PCDHA8: variants seen among roughly 807,000 people sequenced by gnomAD.
PCDHA8 encodes protocadherin alpha-8.
Under a neutral mutation model 61.8 loss-of-function variants are expected in PCDHA8, and 53 were observed. The observed-to-expected ratio is 0.86, with a 90% CI of 0.69 to 1.08. The LOEUF is 1.08. Among genes scored for constraint, PCDHA8 ranks in the 50% least tolerant of loss-of-function variants. The pLI is 0.00. For missense variants in PCDHA8, 1,293 were observed against 1,245.0 expected, an observed-to-expected ratio of 1.04 and a Z score of -0.58; for synonymous variants, 618 against 556.6, an observed-to-expected ratio of 1.11 and a Z score of -1.55.
At chr5:141,008,238 G>A (rs2098366224) in intron 3 of PCDHA8, among the ~76,000 whole-genome samples, 1 of 152,046 alleles carries the variant, frequency 6.6e-6, no homozygotes, top group Admixed American at 6.6e-5. Context: ...TACTGCTCAG[G>A]GACACCAAAT....
At chr5:140,871,284 T>G in intron 1 of PCDHA8, 1 of 1,613,896 alleles carries the variant, frequency 6.2e-7, no homozygotes. Flanking sequence ...CAACGCCCAC[T>G]GAGGGCGCGT....
At chr5:140,856,678 G>A in intron 1 of PCDHA8, 5 of 1,597,744 alleles carry the variant, frequency 3.1e-6, no homozygotes, top group Non-Finnish European at 4.3e-6. Flanking sequence ...TAAAGTTGTT[G>A]TTGACAGCAA....
chr5:140,928,050 G>A (rs782229340), intron 1 of PCDHA8: 3 of 1,614,180 alleles, frequency 1.9e-6, no homozygotes, highest in Non-Finnish European at 2.5e-6. Flanking sequence ...GCCCTTTTCA[G>A]CTGACGGCTT....
chr5:140,958,385 A>C (rs2095421525), intron 1 of PCDHA8, among the ~76,000 whole-genome samples: 1 of 152,206 alleles, frequency 6.6e-6, no homozygotes, highest in African/African-American at 2.4e-5. Flanking sequence ...TTTTCTTAAC[A>C]GGTCATCAAA....
chr5:140,923,865 A>G (rs1422887617), intron 1 of PCDHA8, among the ~76,000 whole-genome samples: 1 of 152,226 alleles, frequency 6.6e-6, no homozygotes, highest in Non-Finnish European at 1.5e-5. Flanking sequence ...GGGAAGCCAA[A>G]AATCTGAGAA....
At chr5:140,979,354 A>G (rs1205411040) in intron 2 of PCDHA8, among the ~76,000 whole-genome samples, 1 of 151,576 alleles carries the variant, frequency 6.6e-6, no homozygotes. Context: ...ATTAATACTC[A>G]TGCTTTGAGA....
intron 1 of PCDHA8, among the ~76,000 whole-genome samples, chr5:140,940,219 T>C (rs1554213221): frequency 6.6e-6 from 1 of 152,180 alleles, no homozygotes; most frequent in Non-Finnish European, 1.5e-5. Context: ...TTGGCATTTA[T>C]TTCATTTTGG....
intron 1 of PCDHA8, chr5:140,882,163 GC>G: frequency 6.6e-7 from 1 of 1,509,690 alleles, no homozygotes; most frequent in Non-Finnish European, 8.9e-7. Flanking sequence ...AATACCTCTT[GC>G]GAATCCTTCC....
At chr5:140,965,911 G>C (rs1476309026) in intron 1 of PCDHA8, among the ~76,000 whole-genome samples, 1 of 152,206 alleles carries the variant, frequency 6.6e-6, no homozygotes, top group African/African-American at 2.4e-5. Context: ...CCAGGATGCT[G>C]GTTTTAGGCT....
chr5:140,968,569 C>G (rs1554230875), intron 1 of PCDHA8: 18 of 1,614,086 alleles, frequency 1.1e-5, no homozygotes, highest in Non-Finnish European at 1.5e-5. Context: ...CCCCTGCTGG[C>G]TACCTGGTCA....
At chr5:140,884,258 A>G (rs782780491) in intron 1 of PCDHA8, 1 of 1,613,390 alleles carries the variant, frequency 6.2e-7, no homozygotes, top group South Asian at 1.1e-5. Flanking sequence ...GGCCACGGCA[A>G]CGGTGCTGTT....
At chr5:140,956,650 GATGCTGGCCTTA>G (rs2095299191) in intron 1 of PCDHA8, among the ~76,000 whole-genome samples, 1 of 152,154 alleles carries the variant, frequency 6.6e-6, no homozygotes, top group Non-Finnish European at 1.5e-5. Context: ...GTATCAGGAT[GATGCTGGCCTTA>G]AAGGAGTTAG....
chr5:140,886,455 A>G (rs1554182545), intron 1 of PCDHA8, among the ~76,000 whole-genome samples: 1 of 152,186 alleles, frequency 6.6e-6, no homozygotes, highest in African/African-American at 2.4e-5. Flanking sequence ...ATTTTGTCAT[A>G]TATAAATGTT....
chr5:140,999,673 T>G (rs2097868835), intron 3 of PCDHA8, among the ~76,000 whole-genome samples: 1 of 152,050 alleles, frequency 6.6e-6, no homozygotes, highest in Non-Finnish European at 1.5e-5. Context: ...TGCGGGGGGC[T>G]CACAGAAAGA....
At chr5:141,004,508 G>A (rs1554259596) in intron 3 of PCDHA8, among the ~76,000 whole-genome samples, 1 of 152,200 alleles carries the variant, frequency 6.6e-6, no homozygotes. Flanking sequence ...GCTGTGAGGG[G>A]CTCCCTCTGC....
chr5:140,842,572 A>G lies in PCDHA8; in HGVS notation c.1251A>G (p.Arg417=), dbSNP rs3733705. 3.9e-6 allele frequency: 6 copies of G among 1,538,104 alleles called. No homozygotes were observed. Among genetic ancestry groups the G allele is most frequent in the South Asian group, 1.1e-5 (1 of 87,784 alleles). ...TGGACAGCGCCCTGGACCGCGAGAG[A>G]GTGTCGGCCTATGAGTTGGTGGTAA... The part of the protein sequence containing the change: ...LVLDSALDRE[R]VSAYELVVTA... Residue 417 remains arginine (R), a synonymous_variant, in exon 1 of 4, where the codon AGA becomes AGG. Transcript: ENST00000531613.
rs538135807 is a variant in PCDHA8, at chr5:140,873,663, T to C, written c.2394+29948T>C. On this transcript the variant is annotated intron_variant, in intron 1 of 3. Transcript: ENST00000531613. ...GTGAGAACTACATAACACACTATTA[T>C]TATTTGTTTCTTTTTGAGATAGAGT... Among the ~76,000 whole-genome samples the C allele has an allele frequency of 3.3e-5, 5 of 152,342 alleles. No individual in the cohort carries two copies. In the South Asian group the frequency reaches 1.0e-3, roughly 32 times the overall value.
chr5:140,841,313 C>T lies in PCDHA8; in HGVS notation c.-9C>T, dbSNP rs2150313348. On this transcript the variant is annotated 5_prime_UTR_variant, in exon 1 of 4. Coordinates refer to ENST00000531613, the MANE Select transcript of PCDHA8 (RefSeq NM_018911.3). The stretch of plus-strand genomic sequence containing the variant: ...GATAATATTTTCTGATAGGAAACGA[C>T]TATTTAACATGGATTATCACTGGCG... 2 of 1,587,144 alleles carry T rather than the reference C, an allele frequency of 1.3e-6. No individual in the cohort carries two copies. Among genetic ancestry groups the T allele is most frequent in the Non-Finnish European group, 8.6e-7 (1 of 1,167,414 alleles).
At position 140,941,202 on chromosome 5, in the gene PCDHA8, C is replaced by CCCTTCTTTCTTTCTTT. The variant is rs2092811279; in HGVS notation, c.2395-37746_2395-37745insCTTCTTTCTTTCTTTC. Among the ~76,000 whole-genome samples, 5 of 122,742 alleles carry CCCTTCTTTCTTTCTTT rather than the reference C, an allele frequency of 4.1e-5. No homozygotes were observed. The East Asian group carries it at 1.1e-3, about 27-fold the overall frequency. 80.5% of individuals were successfully genotyped at this position (122,742 alleles called of 152,430 possible). On this transcript the variant is annotated intron_variant, in intron 1 of 3. Transcript: ENST00000531613. ...TCCTGCTTCTTTTTTTTTCTTTCTTCCTTTCTTTCTTCCTTTCTTTCTTTC... is the reference window on the plus strand; with the variant it reads ...TCCTGCTTCTTTTTTTTTCTTTCTTCCCTTCTTTCTTTCTTTCTTTCTTTCTTCCTTTCTTTCTTTC...
Sources: allele counts gnomAD v4.1 joint callset (sites outside exome capture counted in the v4.1 genomes callset), GRCh38; gene constraint gnomAD v4.1.1; transcripts MANE v1.5; gene names NCBI Gene and HGNC (gene_info 2026-07-23, HGNC 2026-07-21).